The following KCNQ3 variants were observed in gnomAD, a reference collection of about 807,000 sequenced individuals.
KCNQ3 encodes the protein potassium voltage-gated channel subfamily Q member 3.
In KCNQ3, 30 loss-of-function variants were observed where a neutral mutation model predicts 92.5. The observed-to-expected ratio is 0.32, with a 90% CI of 0.24 to 0.44. KCNQ3 has a LOEUF of 0.44. Ranked by LOEUF, KCNQ3 falls within the 20% of genes least tolerant of loss-of-function variation. The probability of loss-of-function intolerance (pLI) is 1.00; values close to 1 mark genes in which losing one functional copy is unlikely to be tolerated. For synonymous variants in KCNQ3, 450 were observed against 468.8 expected (o/e 0.96, Z 0.52); for missense variants, 913 against 1,140.3 (o/e 0.80, Z 2.87).
intron 1 of KCNQ3, among the ~76,000 whole-genome samples, chr8:132,250,661 C>G (rs1308547034): frequency 6.6e-6 from 1 of 152,060 alleles, no homozygotes; most frequent in Non-Finnish European, 1.5e-5. Flanking sequence ...ATCTGTGGAC[C>G]ATTTCTCTAT....
chr8:132,176,503 A>C (rs1273672937), intron 4 of KCNQ3, among the ~76,000 whole-genome samples: 2 of 152,216 alleles, frequency 1.3e-5, no homozygotes, highest in Non-Finnish European at 2.9e-5. Flanking sequence ...ACTGTCTGTC[A>C]TTCTTGCTGA....
At chr8:132,474,193 T>A (rs1016455780) in intron 1 of KCNQ3, among the ~76,000 whole-genome samples, 2 of 152,170 alleles carry the variant, frequency 1.3e-5, no homozygotes, top group Non-Finnish European at 2.9e-5. Context: ...ATGTATGACT[T>A]TTAAGGAGAT....
At chr8:132,350,511 G>A (rs1818829547) in intron 1 of KCNQ3, among the ~76,000 whole-genome samples, 1 of 152,078 alleles carries the variant, frequency 6.6e-6, no homozygotes, top group South Asian at 2.1e-4. Flanking sequence ...CCAAAGCAGG[G>A]GCCACTGCAT....
At chr8:132,351,653 A>T (rs1330868141) in intron 1 of KCNQ3, among the ~76,000 whole-genome samples, 1 of 152,198 alleles carries the variant, frequency 6.6e-6, no homozygotes, top group Non-Finnish European at 1.5e-5. Context: ...CTCAGGGCAC[A>T]GGGCAGGGAG....
Position 132,403,016 on chromosome 8 carries a change from C to CAAAAACAAAAAAAAAA in KCNQ3, c.386+77130_386+77131insTTTTTTTTTTGTTTTT, listed in dbSNP as rs1554651755. On this transcript the variant is annotated intron_variant, in intron 1 of 14. Transcript: ENST00000388996. ...CTGGCAACAGGGCGAGGCACCATCA[C>CAAAAACAAAAAAAAAA]AAAAAAAAAAAAAAAAGTGTCAATA... 7.4e-5 allele frequency among the ~76,000 whole-genome samples: 5 copies of CAAAAACAAAAAAAAAA among 67,632 alleles called. 1 individual carries two copies. The highest frequency in any genetic ancestry group is 4.3e-4 in the African/African-American group (5 of 11,678). The allele number at this position is 67,632 out of a possible 152,430, so 44.4% of individuals were successfully genotyped here. A position where few individuals can be genotyped will look rare whatever the true frequency, so the allele number is the denominator to read the frequency against.
chr8:132,129,082 T>C lies in KCNQ3; in HGVS notation c.*180A>G. 2 of 648,138 alleles carry C rather than the reference T, an allele frequency of 3.1e-6. No individual in the cohort carries two copies. Among genetic ancestry groups the C allele is most frequent in the South Asian group, 3.8e-5 (2 of 52,784 alleles). The allele number at this position is 648,138 out of a possible 1,614,324, so 40.1% of individuals were successfully genotyped here. A position where few individuals can be genotyped will look rare whatever the true frequency, so the allele number is the denominator to read the frequency against. On this transcript the variant is annotated 3_prime_UTR_variant, in exon 15 of 15. Transcript: ENST00000388996. This position sits in a 1 kb window ranked among gnomAD's most constrained non-coding sequence, Gnocchi z 5.9. ...AAACCATGCTGAAAAGGAAGCACTTTGTTGTGGTGACATGGGGAGGAAGAG... is the reference window on the plus strand; with the variant it reads ...AAACCATGCTGAAAAGGAAGCACTTCGTTGTGGTGACATGGGGAGGAAGAG...
chr8:132,443,756 T>C (rs1185278002), intron 1 of KCNQ3, among the ~76,000 whole-genome samples: 1 of 152,108 alleles, frequency 6.6e-6, no homozygotes, highest in African/African-American at 2.4e-5. Flanking sequence ...GCAAACAGTG[T>C]AGATTTCTAC....
chr8:132,165,159 T>C (rs1826107093), intron 8 of KCNQ3, among the ~76,000 whole-genome samples: 1 of 152,202 alleles, frequency 6.6e-6, no homozygotes, highest in Non-Finnish European at 1.5e-5. Context: ...CATTTCCTCA[T>C]CACCCTTCAG....
chr8:132,451,626 C>G (rs954578130), intron 1 of KCNQ3, among the ~76,000 whole-genome samples: 1 of 152,194 alleles, frequency 6.6e-6, no homozygotes, highest in Middle Eastern at 3.2e-3. Context: ...ATGCAATAAA[C>G]AGAAATGTAG....
intron 9 of KCNQ3, among the ~76,000 whole-genome samples, chr8:132,147,113 G>A (rs1381043079): frequency 1.3e-5 from 2 of 152,228 alleles, no homozygotes; most frequent in Non-Finnish European, 2.9e-5. Context: ...TGAAAAGGAA[G>A]CCACTGAAGA....
intron 1 of KCNQ3, among the ~76,000 whole-genome samples, chr8:132,330,539 T>C (rs188444464): frequency 2.6e-5 from 4 of 152,254 alleles, no homozygotes; most frequent in Admixed American, 2.6e-4. Flanking sequence ...AGTCTGTGAC[T>C]TTGCCCTCCA....
At chr8:132,478,887 G>T (rs933991539) in intron 1 of KCNQ3, among the ~76,000 whole-genome samples, 1 of 152,022 alleles carries the variant, frequency 6.6e-6, no homozygotes, top group Non-Finnish European at 1.5e-5. Flanking sequence ...CTAACTCCAA[G>T]GCTCCTGAGC....
chr8:132,138,104 G>A, intron 11 of KCNQ3, 88 bp from the exon 12 acceptor site: 1 of 1,479,284 alleles, frequency 6.8e-7, no homozygotes, highest in Non-Finnish European at 9.3e-7. Context: ...AGGGCAGGGG[G>A]AGAAAAGAAC....
intron 1 of KCNQ3, among the ~76,000 whole-genome samples, chr8:132,434,691 A>G (rs1468665265): frequency 6.6e-6 from 1 of 152,262 alleles, no homozygotes; most frequent in Non-Finnish European, 1.5e-5. Context: ...GAGCCATCTC[A>G]GATAAGACCA....
intron 1 of KCNQ3, among the ~76,000 whole-genome samples, chr8:132,459,823 A>G (rs1484729388): frequency 6.6e-6 from 1 of 151,762 alleles, no homozygotes; most frequent in East Asian, 1.9e-4. Flanking sequence ...CCTTGAGGGT[A>G]GAATATCTAC....
Position 132,122,809 on chromosome 8 carries a change from A to G in KCNQ3, c.*6453T>C, listed in dbSNP as rs541670860. 1.2e-4 allele frequency: 18 copies of G among 152,032 alleles called. No homozygotes were observed. The highest frequency in any genetic ancestry group is 1.2e-3 in the Admixed American group (18 of 15,276). The allele number at this position is 152,032 out of a possible 1,614,324, so 9.4% of individuals were successfully genotyped here. Reference sequence around the variant, plus strand: ...TTCTGGCCGATTTATCCCGAGAACAATGTAAGTGGAAACTAACAATGAAGA... The same window carrying G: ...TTCTGGCCGATTTATCCCGAGAACAGTGTAAGTGGAAACTAACAATGAAGA... On this transcript the variant is annotated 3_prime_UTR_variant, in exon 15 of 15. Transcript: ENST00000388996.
intron 1 of KCNQ3, among the ~76,000 whole-genome samples, chr8:132,398,137 GA>G: frequency 6.6e-6 from 1 of 152,162 alleles, no homozygotes; most frequent in Non-Finnish European, 1.5e-5. Context: ...AGTTTTTAGA[GA>G]AACCTTTTGG....
chr8:132,180,088 G>A lies in KCNQ3; in HGVS notation c.777+69C>T. ...GCCTTCTGGGGACACTGCAAAGGAA[G>A]GGATGTCATGGAAGGGCATAGGTGG... On this transcript the variant is annotated intron_variant, in intron 4 of 14. Coordinates refer to ENST00000388996, the MANE Select transcript of KCNQ3 (RefSeq NM_004519.4). 4 of 1,526,636 alleles carry A rather than the reference G, an allele frequency of 2.6e-6. No individual in the cohort carries two copies. The South Asian group carries it at 4.5e-5, about 17-fold the overall frequency. The allele number at this position is 1,526,636 out of a possible 1,614,324, so 94.6% of individuals were successfully genotyped here.
chr8:132,221,197 T>A (rs964258398), intron 1 of KCNQ3, among the ~76,000 whole-genome samples: 7 of 152,250 alleles, frequency 4.6e-5, no homozygotes, highest in Non-Finnish European at 1.0e-4. Context: ...GTGCCACATT[T>A]TCTTAATCCA....
Sources: gnomAD v4.1 joint callset for allele counts (sites outside exome capture counted in the v4.1 genomes callset) on GRCh38, gnomAD v4.1.1 for gene constraint, Gnocchi (gnomAD v3.1) non-coding constraint, MANE v1.5 for transcripts, NCBI Gene and HGNC (gene_info 2026-07-23, HGNC 2026-07-21) for gene names.